SORCS2: variants seen among roughly 807,000 people sequenced by gnomAD.
SORCS2 encodes sortilin related VPS10 domain containing receptor 2, also known as VPS10 domain-containing receptor SorCS2.
In SORCS2, 100 loss-of-function variants were observed where a neutral mutation model predicts 141.6. The ratio of observed to expected loss-of-function variants is 0.71; its 90% CI spans 0.60 to 0.83. The LOEUF (loss-of-function observed/expected upper bound fraction) is 0.83, where lower values mean the gene tolerates loss of function less well. SORCS2 is among the 40% of genes least tolerant of loss of function. SORCS2 has a pLI of 0.00. For missense variants in SORCS2, 1,646 were observed against 1,560.2 expected (o/e 1.05, Z -0.93); for synonymous variants, 789 against 676.9 (o/e 1.17, Z -2.57).
At chr4:7,464,860 T>A (rs4423874) in intron 2 of SORCS2, among the ~76,000 whole-genome samples, 2 of 152,068 alleles carry the variant, frequency 1.3e-5, no homozygotes, top group Non-Finnish European at 2.9e-5. Flanking sequence ...AGATGGGGAA[T>A]GGGAGAGGTG....
chr4:7,314,853 T>C (rs1718460377), intron 1 of SORCS2, among the ~76,000 whole-genome samples: 1 of 148,432 alleles, frequency 6.7e-6, no homozygotes, highest in Non-Finnish European at 1.5e-5. Context: ...TTTTTGTTGT[T>C]GTTTTTGAGA....
chr4:7,667,239 T>C (rs76551529), intron 8 of SORCS2, 26 bp downstream of exon 8: 77,845 of 1,606,822 alleles, frequency 0.048, 2,111 homozygotes, highest in Middle Eastern at 0.063. Flanking sequence ...TTCCGCCTGG[T>C]CCTGTGGCCA....
chr4:7,349,136 A>G (rs1047310431), intron 1 of SORCS2, among the ~76,000 whole-genome samples: 2 of 152,054 alleles, frequency 1.3e-5, no homozygotes, highest in African/African-American at 4.8e-5. Context: ...ATACTTCATC[A>G]TTGCGCAAGG....
chr4:7,433,432 G>T, intron 2 of SORCS2: 1 of 1,528,432 alleles, frequency 6.5e-7, no homozygotes, highest in East Asian at 2.3e-5. Context: ...TGGGCCCAGG[G>T]CACACTGGTC....
chr4:7,707,781 T>A (rs1433381945), intron 14 of SORCS2, among the ~76,000 whole-genome samples: 1 of 152,218 alleles, frequency 6.6e-6, no homozygotes, highest in Non-Finnish European at 1.5e-5. Context: ...GTGATGCACC[T>A]GTGAGGATGA....
chr4:7,519,593 C>T (rs567557347), intron 2 of SORCS2, among the ~76,000 whole-genome samples: 6 of 152,214 alleles, frequency 3.9e-5, no homozygotes, highest in Middle Eastern at 3.2e-3. Flanking sequence ...CACCTTCCAG[C>T]GCTGCTGCCT....
At chr4:7,513,242 C>T (rs1255665940) in intron 2 of SORCS2, among the ~76,000 whole-genome samples, 1 of 152,232 alleles carries the variant, frequency 6.6e-6, no homozygotes, top group Non-Finnish European at 1.5e-5. Flanking sequence ...CTACAGGTGT[C>T]AGTTACACAT....
At chr4:7,548,748 A>G (rs1383455586) in intron 3 of SORCS2, among the ~76,000 whole-genome samples, 2 of 152,128 alleles carry the variant, frequency 1.3e-5, no homozygotes, top group African/African-American at 4.8e-5. Context: ...GCTGGCCAGC[A>G]TCCACGGTGA....
chr4:7,407,855 C>T (rs765547701), intron 2 of SORCS2, among the ~76,000 whole-genome samples: 11 of 151,798 alleles, frequency 7.2e-5, no homozygotes, highest in African/African-American at 2.7e-4. Flanking sequence ...TAGGTTTTTG[C>T]ATTATGGTTA....
At chr4:7,654,880 C>T (rs545767237) in intron 5 of SORCS2, among the ~76,000 whole-genome samples, 41 of 152,312 alleles carry the variant, frequency 2.7e-4, no homozygotes, top group African/African-American at 6.7e-4. Context: ...CCCTGTGTTC[C>T]GATGGTGGGT....
intron 3 of SORCS2, among the ~76,000 whole-genome samples, chr4:7,562,056 C>T (rs1714629879): frequency 6.6e-6 from 1 of 152,224 alleles, no homozygotes; most frequent in Non-Finnish European, 1.5e-5. Context: ...TGACTTAGCC[C>T]CTACCCCATG....
At chr4:7,381,520 C>T (rs1722994482) in intron 1 of SORCS2, among the ~76,000 whole-genome samples, 1 of 152,252 alleles carries the variant, frequency 6.6e-6, no homozygotes, top group South Asian at 2.1e-4. Context: ...TCCTCCTCCT[C>T]CCTGGTGAAG....
intron 3 of SORCS2, among the ~76,000 whole-genome samples, chr4:7,630,741 G>T (rs73074526): frequency 6.6e-6 from 1 of 152,196 alleles, no homozygotes; most frequent in African/African-American, 2.4e-5. Context: ...TTCAGATCCG[G>T]GGGTGGAGGC....
intron 1 of SORCS2, among the ~76,000 whole-genome samples, chr4:7,366,211 T>C (rs897882741): frequency 3.9e-5 from 6 of 152,018 alleles, no homozygotes; most frequent in African/African-American, 1.4e-4. Context: ...CCTTCCTTCC[T>C]CCCTCTCTTC....
Position 7,499,081 on chromosome 4 carries a change from G to A in SORCS2, c.549-32449G>A, listed in dbSNP as rs538647401. Reference sequence around the variant, plus strand: ...CAATCACGTGTGCATATGTGGGAGTGTGTGTCTGTGCATGTGGAGATGGGT... The same window carrying A: ...CAATCACGTGTGCATATGTGGGAGTATGTGTCTGTGCATGTGGAGATGGGT... On this transcript the variant is annotated intron_variant, in intron 2 of 26. Coordinates refer to ENST00000507866, the MANE Select transcript of SORCS2 (RefSeq NM_020777.3). 9.2e-5 allele frequency among the ~76,000 whole-genome samples: 14 copies of A among 152,340 alleles called. No homozygotes were observed. In the East Asian group the frequency reaches 2.3e-3, roughly 25 times the overall value.
chr4:7,297,107 C>G (rs1398052753), intron 1 of SORCS2, among the ~76,000 whole-genome samples: 3 of 152,202 alleles, frequency 2.0e-5, no homozygotes, highest in African/African-American at 7.2e-5. Flanking sequence ...TCCCCACCTC[C>G]CCTGGATGCC....
chr4:7,346,159 G>A (rs966149806), intron 1 of SORCS2, among the ~76,000 whole-genome samples: 3 of 151,884 alleles, frequency 2.0e-5, no homozygotes, highest in Non-Finnish European at 4.4e-5. Context: ...TGATGTTAGG[G>A]TTTTCTCCCT....
intron 7 of SORCS2, 40 bp from the exon 8 acceptor site, chr4:7,667,084 G>A (rs774289282): frequency 9.5e-5 from 146 of 1,534,508 alleles, no homozygotes; most frequent in Non-Finnish European, 1.2e-4. Flanking sequence ...GCTGGAGAGG[G>A]AATCAAGCCT....
Position 7,373,478 on chromosome 4 carries a change from A to ATTTTTTTTTTT in SORCS2, c.481-22792_481-22782dup, listed in dbSNP as rs71173496. On this transcript the variant is annotated intron_variant, in intron 1 of 26. Coordinates refer to ENST00000507866, the MANE Select transcript of SORCS2 (RefSeq NM_020777.3). ...AACTTTTATATATATATATATATAT[A>ATTTTTTTTTTT]TTTTTTTTTTTTTTTTTTTTTTTTT... Among the ~76,000 whole-genome samples the ATTTTTTTTTTT allele has an allele frequency of 4.1e-4, 15 of 36,816 alleles. 1 individual carries two copies. The highest frequency in any genetic ancestry group is 4.8e-4 in the African/African-American group (3 of 6,270). 24.2% of individuals were successfully genotyped at this position (36,816 alleles called of 152,430 possible).
Sources: allele counts gnomAD v4.1 joint callset (sites outside exome capture counted in the v4.1 genomes callset), GRCh38; gene constraint gnomAD v4.1.1; transcripts MANE v1.5; gene names NCBI Gene and HGNC (gene_info 2026-07-23, HGNC 2026-07-21).